DENND1C: variants seen among roughly 807,000 people sequenced by gnomAD.
The protein encoded by DENND1C is DENN domain-containing protein 1C.
In DENND1C, 64 loss-of-function variants were observed where a neutral mutation model predicts 87.9. That is an observed-to-expected ratio of 0.73 (90% CI 0.60 to 0.90). The LOEUF (loss-of-function observed/expected upper bound fraction) is 0.90, where lower values mean the gene tolerates loss of function less well. Among genes scored for constraint, DENND1C ranks in the 40% least tolerant of loss-of-function variants. The probability of loss-of-function intolerance (pLI) is 0.00; values close to 1 mark genes in which losing one functional copy is unlikely to be tolerated. For synonymous variants in DENND1C, 384 were observed against 424.4 expected, an observed-to-expected ratio of 0.90 and a Z score of 1.17; for missense variants, 980 against 1,037.0, an observed-to-expected ratio of 0.95 and a Z score of 0.76.
chr19:6,468,786 G>A (rs2092811262), intron 20 of DENND1C, 60 bp downstream of exon 20: 1 of 1,447,634 alleles, frequency 6.9e-7, no homozygotes, highest in Non-Finnish European at 9.2e-7. Context: ...TGGGGACTGG[G>A]ATGGGTAGAG....
At chr19:6,479,180 T>A (rs1406729777) in intron 4 of DENND1C, 124 bp from the exon 5 acceptor site, 1 of 1,349,928 alleles carries the variant, frequency 7.4e-7, no homozygotes, top group Non-Finnish European at 1.0e-6. Flanking sequence ...TCCCTGAATG[T>A]CTGGATCCCT....
At chr19:6,473,033 C>CAGAA in intron 14 of DENND1C, 40 bp from the exon 15 acceptor site, 1 of 1,387,468 alleles carries the variant, frequency 7.2e-7, no homozygotes, top group Non-Finnish European at 9.5e-7. Flanking sequence ...CTGGGGTGCT[C>CAGAA]CTGGCCCTCC....
At chr19:6,476,797 C>G in intron 10 of DENND1C, 60 bp downstream of exon 10, 1 of 1,528,688 alleles carries the variant, frequency 6.5e-7, no homozygotes, top group Non-Finnish European at 8.8e-7. Flanking sequence ...CCCCCTTGTC[C>G]CGCCCCCCGG....
In DENND1C at chr19:6,470,373, G is replaced by C. The variant is rs1397266387; in HGVS notation, c.1291-7C>G. 6.2e-7 allele frequency: 1 copy of C among 1,611,928 alleles called. No individual in the cohort carries two copies. Among genetic ancestry groups the C allele is most frequent in the Non-Finnish European group, 8.5e-7 (1 of 1,179,130 alleles). On this transcript the variant is annotated splice_polypyrimidine_tract_variant and splice_region_variant and intron_variant, in intron 17 of 22. Transcript: ENST00000381480. ...GGAGGGCGCCACCACCTTTCTGCGG[G>C]AGAGAAGATACCAAGGGGGAGAGGC...
Position 6,468,918 on chromosome 19 carries a change from CAGAG to C in DENND1C, c.1439_1442del (p.Ser480Ter), listed in dbSNP as rs770019826. On this transcript the variant is annotated frameshift_variant, in exon 20 of 23. Transcript: ENST00000381480. LOFTEE classifies it high-confidence loss of function. ...AGCGGCTGGGGAGGGCTGGGGCCCT[CAGAG>C]AGCCCCCCCTCTGCAGGACAGAGTC... is the stretch of plus-strand genomic sequence containing the variant. The C allele has an allele frequency of 8.1e-6, 12 of 1,475,372 alleles. No individual in the cohort carries two copies. The highest frequency in any genetic ancestry group is 1.5e-5 in the South Asian group (1 of 66,328). The allele number at this position is 1,475,372 out of a possible 1,614,324, so 91.4% of individuals were successfully genotyped here.
At chr19:6,470,455 C>T in intron 17 of DENND1C, 89 bp from the exon 18 acceptor site, 3 of 1,335,848 alleles carry the variant, frequency 2.2e-6, no homozygotes, top group Admixed American at 3.9e-5. Context: ...AAGCCCCTTT[C>T]CCTCTCTGAG....
At chr19:6,473,319 T>C (rs1033491103) in intron 14 of DENND1C, among the ~76,000 whole-genome samples, 1 of 152,080 alleles carries the variant, frequency 6.6e-6, no homozygotes, top group Non-Finnish European at 1.5e-5. Flanking sequence ...CATGTCCAGC[T>C]AATTTTTGTA....
intron 18 of DENND1C, 116 bp downstream of exon 18, chr19:6,470,178 AT>A (rs2145178460): frequency 2.0e-6 from 2 of 982,284 alleles, no homozygotes; most frequent in East Asian, 5.3e-5. Context: ...TGATTAAATC[AT>A]TTGTGTTTAA....
chr19:6,473,760 A>C (rs556056389), intron 14 of DENND1C, among the ~76,000 whole-genome samples: 14 of 138,070 alleles, frequency 1.0e-4, no homozygotes, highest in Admixed American at 9.9e-4. Context: ...CGGCTGATTT[A>C]AGCATTTATC....
Position 6,481,683 on chromosome 19 carries a change from C to T in DENND1C, c.13G>A (p.Ala5Thr), listed in dbSNP as rs1318060246. 6.2e-7 allele frequency: 1 copy of T among 1,605,574 alleles called. No individual in the cohort carries two copies. Among genetic ancestry groups the T allele is most frequent in the Non-Finnish European group, 8.5e-7 (1 of 1,175,926 alleles). The change falls in exon 1 of 23, where the codon GCT becomes ACT. Residue 5 changes from alanine (A) to threonine (T), a missense_variant. Coordinates refer to ENST00000381480, the MANE Select transcript of DENND1C (RefSeq NM_024898.4). ...GAGGGATGGGGTGGCTCTTACTCAG[C>T]TCTGGATTCCATGGTCCCTGCAGGG... The part of the protein sequence containing the change: MESR[A>T]EGGSPAVFDW...
intron 1 of DENND1C, chr19:6,480,480 C>A (rs1913480518): frequency 1.0e-6 from 1 of 984,354 alleles, no homozygotes; most frequent in Non-Finnish European, 1.2e-6. Context: ...ATATATCCAT[C>A]TATCTGTCTG....
rs780582383 is a variant in DENND1C at position 6,475,297 on chromosome 19, G to T, written c.1030C>A (p.Arg344Ser). ...KAQALLFGGY[R>S]DALVCSPGQP... ...ACCGGGCTGCAGACGAGTGCGTCGC[G>T]GTACCCCCCGAAGAGCAGGGCCTGG... Residue 344 changes from arginine to serine, a missense_variant, in exon 14 of 23, where the codon CGC becomes AGC. Arg to Ser is a moderately radical substitution (Grantham distance 110). Transcript: ENST00000381480. 6 of 1,613,170 alleles carry T rather than the reference G, an allele frequency of 3.7e-6. No individual in the cohort carries two copies. The highest frequency in any genetic ancestry group is 5.1e-6 in the Non-Finnish European group (6 of 1,179,844).
In DENND1C at chr19:6,475,862, G is replaced by A. The variant is rs1237399490; in HGVS notation, c.754C>T (p.Pro252Ser). 1.3e-6 allele frequency: 2 copies of A among 1,550,044 alleles called. No individual in the cohort carries two copies. The highest frequency in any genetic ancestry group is 8.7e-7 in the Non-Finnish European group (1 of 1,152,630). ...CAGCAGTAGTCCAGCAGGTGTGGGG[G>A]CAGCGTGGGGATCAGCACGTGCTCC... Reference protein sequence around the residue: ...RWEHVLIPTLPPHLLDYCCAP... With the variant: ...RWEHVLIPTLSPHLLDYCCAP... Residue 252 changes from proline to serine, a missense_variant, in exon 11 of 23, where the codon CCC (proline) becomes TCC (serine). By Grantham distance (74) the Pro-to-Ser change is moderately conservative. Transcript: ENST00000381480.
rs2092858217 is a variant in DENND1C, at chr19:6,476,060, G to A, written c.679-123C>T. On this transcript the variant is annotated intron_variant, in intron 10 of 22. Transcript: ENST00000381480. The stretch of plus-strand genomic sequence containing the variant: ...CTCCCCATCCACTGCTGGATAATGA[G>A]TGACAACTCGAACCCCTTTAGAAAT... 9 of 921,788 alleles carry A rather than the reference G, an allele frequency of 9.8e-6. No homozygotes were observed. In the South Asian group the frequency reaches 9.9e-5, roughly 10 times the overall value. The allele number at this position is 921,788 out of a possible 1,614,324, so 57.1% of individuals were successfully genotyped here. A position where few individuals can be genotyped will look rare whatever the true frequency, so the allele number is the denominator to read the frequency against.
chr19:6,476,255 A>G (rs2092859555), intron 10 of DENND1C: 1 of 348,906 alleles, frequency 2.9e-6, no homozygotes, highest in Non-Finnish European at 5.2e-6. Flanking sequence ...ACCCCGAAAG[A>G]GGTGGAGCTA....
At chr19:6,478,503 G>A (rs991908903) in intron 6 of DENND1C, among the ~76,000 whole-genome samples, 2 of 150,572 alleles carry the variant, frequency 1.3e-5, no homozygotes, top group African/African-American at 2.4e-5. Flanking sequence ...TGATCCGCTC[G>A]CCTTGTCCTC....
In DENND1C at chr19:6,477,428, G is replaced by T. The variant is rs373575393; in HGVS notation, c.397C>A (p.Leu133Met). 6.2e-7 allele frequency: 1 copy of T among 1,610,080 alleles called. No homozygotes were observed. The highest frequency in any genetic ancestry group is 8.5e-7 in the Non-Finnish European group (1 of 1,178,080). The change falls in exon 7 of 23, where the codon CTG (leucine) becomes ATG (methionine). Residue 133 changes from leucine (L) to methionine (M), a missense_variant. Leu to Met is a conservative substitution (Grantham distance 15). Transcript: ENST00000381480. ...VTEAEELLQN[L>M]FQQSLSGPQA... is the part of the protein sequence containing the mutation. ...GGCCCAGACAGGGACTGCTGAAACA[G>T]ATTTTGAAGAAGTTCCTCTGCCTCG...
chr19:6,479,096 A>C (rs1384821036), intron 4 of DENND1C, 40 bp from the exon 5 acceptor site: 1 of 1,611,910 alleles, frequency 6.2e-7, no homozygotes, highest in Non-Finnish European at 8.5e-7. Context: ...TGGACATCCC[A>C]GCTGTCTGAG....
At chr19:6,470,823 T>C (rs1238073316) in intron 17 of DENND1C, among the ~76,000 whole-genome samples, 1 of 151,746 alleles carries the variant, frequency 6.6e-6, no homozygotes, top group Non-Finnish European at 1.5e-5. Context: ...AGTTTCACCA[T>C]GTTGGCCAGG....
Sources: allele counts gnomAD v4.1 joint callset (sites outside exome capture counted in the v4.1 genomes callset), GRCh38; gene constraint gnomAD v4.1.1; transcripts MANE v1.5; gene names NCBI Gene and HGNC (gene_info 2026-07-23, HGNC 2026-07-21).